The following SH3RF3 variants were observed in gnomAD, a reference collection of about 807,000 sequenced individuals.
SH3RF3 encodes the protein E3 ubiquitin-protein ligase SH3RF3.
A neutral mutation model predicts 66.3 loss-of-function variants in SH3RF3; 29 were observed. The ratio of observed to expected loss-of-function variants is 0.44; its 90% confidence interval spans 0.33 to 0.60. The LOEUF (loss-of-function observed/expected upper bound fraction) is 0.60. Among genes scored for constraint, SH3RF3 ranks in the 20% least tolerant of loss-of-function variants. The pLI is 0.04. For missense variants in SH3RF3, 1,194 were observed against 1,190.9 expected (o/e 1.00, Z -0.04); for synonymous variants, 583 against 532.0 (o/e 1.10, Z -1.32).
chr2:109,312,654 T>C (rs1161774975), intron 1 of SH3RF3, among the ~76,000 whole-genome samples: 1 of 152,244 alleles, frequency 6.6e-6, no homozygotes, highest in Non-Finnish European at 1.5e-5. Context: ...TAGCTTCTTT[T>C]ACTTCGTATT....
chr2:109,478,880 T>C (rs1393382648), intron 8 of SH3RF3, among the ~76,000 whole-genome samples: 2 of 152,148 alleles, frequency 1.3e-5, no homozygotes, highest in Non-Finnish European at 2.9e-5. Context: ...CATAGTTTCT[T>C]TGTGAAACTC....
At chr2:109,439,300 G>C (rs1362547055) in intron 7 of SH3RF3, among the ~76,000 whole-genome samples, 1 of 152,148 alleles carries the variant, frequency 6.6e-6, no homozygotes, top group Non-Finnish European at 1.5e-5. Context: ...GTGCATCCCA[G>C]CCCAGCACTT....
chr2:109,433,000 A>G (rs1677284155), intron 6 of SH3RF3, among the ~76,000 whole-genome samples: 1 of 152,250 alleles, frequency 6.6e-6, no homozygotes, highest in Admixed American at 6.5e-5. Context: ...GCACATATAT[A>G]CAGTGTGTTC....
intron 3 of SH3RF3, among the ~76,000 whole-genome samples, chr2:109,395,538 C>T (rs1158637089): frequency 2.0e-5 from 3 of 152,204 alleles, no homozygotes; most frequent in African/African-American, 7.2e-5. Flanking sequence ...TCTGTTGAAG[C>T]TGCCTATCTT....
intron 1 of SH3RF3, among the ~76,000 whole-genome samples, chr2:109,187,115 G>C (rs1032573342): frequency 2.0e-5 from 3 of 149,776 alleles, no homozygotes; most frequent in African/African-American, 7.3e-5. Context: ...GCTGGCTCCA[G>C]AGCCACAGGG....
chr2:109,488,364 G>A (rs893279002), intron 8 of SH3RF3, among the ~76,000 whole-genome samples: 3 of 152,206 alleles, frequency 2.0e-5, no homozygotes, highest in Admixed American at 2.0e-4. Context: ...CTGGAGGCAA[G>A]GTCACCCTCT....
rs528605936 is a variant in SH3RF3, at chr2:109,232,446, T to C, written c.573+102333T>C. On this transcript the variant is annotated intron_variant, in intron 1 of 9. Transcript: ENST00000309415. ...TTCTCTGAGCCCTGGTCTGCCTATCTATCTGTAAATAGGAGATGGTTACAC... is the reference window on the plus strand; with the variant it reads ...TTCTCTGAGCCCTGGTCTGCCTATCCATCTGTAAATAGGAGATGGTTACAC... Among the ~76,000 whole-genome samples, 5 of 152,328 alleles carry C rather than the reference T, an allele frequency of 3.3e-5. No individual in the cohort carries two copies. In the South Asian group the frequency reaches 6.2e-4, roughly 19 times the overall value.
chr2:109,148,088 T>C (rs1159308562), intron 1 of SH3RF3, among the ~76,000 whole-genome samples: 1 of 152,200 alleles, frequency 6.6e-6, no homozygotes. Context: ...ACCATCTGGC[T>C]GGGCTGCCAG....
chr2:109,291,281 T>C (rs532081108), intron 1 of SH3RF3, among the ~76,000 whole-genome samples: 218 of 51,874 alleles, frequency 4.2e-3, no homozygotes, highest in Admixed American at 9.8e-3. Context: ...GAGTAATCTC[T>C]TTTTTTTTTT....
intron 1 of SH3RF3, among the ~76,000 whole-genome samples, chr2:109,149,265 C>T (rs990498074): frequency 6.6e-6 from 1 of 152,148 alleles, no homozygotes; most frequent in African/African-American, 2.4e-5. Flanking sequence ...TTCTATGGCC[C>T]CCCGGGACCC....
chr2:109,275,424 C>G (rs1378804830), intron 1 of SH3RF3, among the ~76,000 whole-genome samples: 1 of 152,176 alleles, frequency 6.6e-6, no homozygotes, highest in Non-Finnish European at 1.5e-5. Context: ...ACCCTCCATT[C>G]AGTTGGACCG....
intron 1 of SH3RF3, among the ~76,000 whole-genome samples, chr2:109,283,546 A>T (rs1338732915): frequency 1.3e-5 from 2 of 151,976 alleles, no homozygotes; most frequent in African/African-American, 2.4e-5. Context: ...CCCAGGGCCG[A>T]GGTAAGATCC....
At chr2:109,144,953 C>G (rs182027331) in intron 1 of SH3RF3, among the ~76,000 whole-genome samples, 1 of 152,346 alleles carries the variant, frequency 6.6e-6, no homozygotes, top group South Asian at 2.1e-4. Context: ...CGTTCAGTGC[C>G]GATCTCAGGG....
rs375333092 is a variant in SH3RF3, at chr2:109,398,953, C to T, written c.1299+10C>T. 13 of 1,605,078 alleles carry T rather than the reference C, an allele frequency of 8.1e-6. No individual in the cohort carries two copies. The highest frequency in any genetic ancestry group is 6.7e-5 in the African/African-American group (5 of 74,786). On this transcript the variant is annotated intron_variant, in intron 4 of 9. Coordinates refer to ENST00000309415, the MANE Select transcript of SH3RF3 (RefSeq NM_001099289.3). ...CGCTGCTCCCACCCAGGTAACATCCCGCGGGCCAGGGCAGGCATCCCTGGG... is the reference window on the plus strand; with the variant it reads ...CGCTGCTCCCACCCAGGTAACATCCTGCGGGCCAGGGCAGGCATCCCTGGG...
intron 1 of SH3RF3, among the ~76,000 whole-genome samples, chr2:109,170,163 G>A (rs964957249): frequency 6.6e-6 from 1 of 152,020 alleles, no homozygotes; most frequent in African/African-American, 2.4e-5. Flanking sequence ...TAATACCATC[G>A]TCGGCTCTTG....
At chr2:109,437,520 C>T (rs902478245) in intron 7 of SH3RF3, among the ~76,000 whole-genome samples, 1 of 152,190 alleles carries the variant, frequency 6.6e-6, no homozygotes, top group African/African-American at 2.4e-5. Flanking sequence ...CCGGCACTTT[C>T]AAATGCCTCC....
chr2:109,408,695 G>A (rs560668947), intron 4 of SH3RF3, among the ~76,000 whole-genome samples: 5 of 152,376 alleles, frequency 3.3e-5, no homozygotes, highest in South Asian at 2.1e-4. Context: ...AATTAGAGCT[G>A]AACAAAAGGA....
At chr2:109,198,319 A>C (rs985233644) in intron 1 of SH3RF3, among the ~76,000 whole-genome samples, 1 of 152,178 alleles carries the variant, frequency 6.6e-6, no homozygotes, top group Non-Finnish European at 1.5e-5. Context: ...CTGAGGAATA[A>C]ATTATCAACA....
intron 1 of SH3RF3, among the ~76,000 whole-genome samples, chr2:109,193,971 T>TG (rs1678433046): frequency 6.6e-6 from 1 of 152,232 alleles, no homozygotes; most frequent in Non-Finnish European, 1.5e-5. Flanking sequence ...ATGCTCCTTC[T>TG]GGGGCACCAG....
Sources: gnomAD v4.1 joint callset for allele counts (sites outside exome capture counted in the v4.1 genomes callset) on GRCh38, gnomAD v4.1.1 for gene constraint, MANE v1.5 for transcripts, NCBI Gene and HGNC (gene_info 2026-07-23, HGNC 2026-07-21) for gene names.